SLC39A14: variants seen among roughly 807,000 people sequenced by gnomAD.
The protein encoded by SLC39A14 is metal cation symporter ZIP14.
A neutral mutation model predicts 45.5 loss-of-function variants in SLC39A14; 19 were observed. The observed-to-expected ratio is 0.42, with a 90% CI of 0.29 to 0.61. The LOEUF (loss-of-function observed/expected upper bound fraction) is 0.61, where lower values mean the gene tolerates loss of function less well. SLC39A14 is among the 20% of genes least tolerant of loss of function. The probability of loss-of-function intolerance (pLI) is 0.22; values close to 1 mark genes in which losing one functional copy is unlikely to be tolerated. For missense variants in SLC39A14, 447 were observed against 616.5 expected (o/e 0.73, Z 2.91); for synonymous variants, 264 against 251.3 (o/e 1.05, Z -0.48).
At chr8:22,384,206 T>A (rs1394204393) in intron 1 of SLC39A14, among the ~76,000 whole-genome samples, 1 of 152,142 alleles carries the variant, frequency 6.6e-6, no homozygotes, top group East Asian at 1.9e-4. Flanking sequence ...TTTCAGGATG[T>A]GTGTGATGGC....
chr8:22,390,807 A>G (rs1450712050), intron 1 of SLC39A14, among the ~76,000 whole-genome samples: 1 of 151,958 alleles, frequency 6.6e-6, no homozygotes, highest in Non-Finnish European at 1.5e-5. Flanking sequence ...GGTTCAAGCA[A>G]TCCTCCCACC....
At chr8:22,369,153 T>TA (rs34546163) in intron 1 of SLC39A14, among the ~76,000 whole-genome samples, 4 of 152,152 alleles carry the variant, frequency 2.6e-5, no homozygotes, top group Non-Finnish European at 4.4e-5. Context: ...CAGGTAAGAC[T>TA]AGAGGGCACC....
intron 2 of SLC39A14, among the ~76,000 whole-genome samples, chr8:22,406,857 G>C (rs1178954728): frequency 6.6e-6 from 1 of 152,198 alleles, no homozygotes; most frequent in Non-Finnish European, 1.5e-5. Context: ...ATCTCGGGGT[G>C]GCGGGAGTCC....
chr8:22,385,605 T>C (rs1833750059), intron 1 of SLC39A14, among the ~76,000 whole-genome samples: 1 of 152,204 alleles, frequency 6.6e-6, no homozygotes, highest in Non-Finnish European at 1.5e-5. Flanking sequence ...CCTGGGTGGC[T>C]GGAGCCCAGT....
chr8:22,403,725 C>G (rs189395662), intron 1 of SLC39A14, among the ~76,000 whole-genome samples: 1 of 151,184 alleles, frequency 6.6e-6, no homozygotes, highest in Non-Finnish European at 1.5e-5. Flanking sequence ...TTGAGACGAG[C>G]GGGCAAATAT....
In SLC39A14 at chr8:22,421,093, T is replaced by G. The variant is rs1465658483; in HGVS notation, c.*1395T>G. 1.0e-6 allele frequency: 1 copy of G among 985,742 alleles called. No homozygotes were observed. Among genetic ancestry groups the G allele is most frequent in the East Asian group, 1.1e-4 (1 of 8,828 alleles). The allele number at this position is 985,742 out of a possible 1,614,324, so 61.1% of individuals were successfully genotyped here. On this transcript the variant is annotated 3_prime_UTR_variant, in exon 9 of 9. Transcript: ENST00000381237. ...AATTGATTTATTATTATCATATTGATAATGTGAGATTCTTTAGCCACTTTG... is the reference window on the plus strand; with the variant it reads ...AATTGATTTATTATTATCATATTGAGAATGTGAGATTCTTTAGCCACTTTG...
intron 3 of SLC39A14, among the ~76,000 whole-genome samples, chr8:22,408,872 G>T (rs1348222508): frequency 6.7e-6 from 1 of 150,192 alleles, no homozygotes; most frequent in African/African-American, 2.5e-5. Context: ...CGAGGCTGGA[G>T]TCCAGTGGTG....
chr8:22,371,411 T>C (rs1267783816), intron 1 of SLC39A14, among the ~76,000 whole-genome samples: 1 of 53,860 alleles, frequency 1.9e-5, no homozygotes, highest in Admixed American at 1.9e-4. Flanking sequence ...AAAAAATACA[T>C]GTCTTTTTTT....
At chr8:22,391,778 C>A (rs1834090255) in intron 1 of SLC39A14, among the ~76,000 whole-genome samples, 2 of 152,162 alleles carry the variant, frequency 1.3e-5, no homozygotes, top group Admixed American at 1.3e-4. Context: ...CCACTTTGGC[C>A]AGGGTGGTCT....
chr8:22,375,816 T>C (rs889476101), intron 1 of SLC39A14, among the ~76,000 whole-genome samples: 2 of 152,152 alleles, frequency 1.3e-5, no homozygotes, highest in African/African-American at 4.8e-5. Context: ...GCTTAACCAT[T>C]TCCTTTTATT....
Position 22,376,462 on chromosome 8 carries a change from C to T in SLC39A14, c.-16+9054C>T, listed in dbSNP as rs564668439. Among the ~76,000 whole-genome samples the T allele has an allele frequency of 1.9e-4, 29 of 150,500 alleles. No homozygotes were observed. In the East Asian group the frequency reaches 5.6e-3, roughly 29 times the overall value. On this transcript the variant is annotated intron_variant, in intron 1 of 8. Transcript: ENST00000381237. Reference sequence around the variant, plus strand: ...CCTCCCAAAGTGTTGGGATTATAGGCGTGAGCCACTGCACTCGGCCATGTT... The same window carrying T: ...CCTCCCAAAGTGTTGGGATTATAGGTGTGAGCCACTGCACTCGGCCATGTT...
At chr8:22,374,255 G>C (rs930955253) in intron 1 of SLC39A14, among the ~76,000 whole-genome samples, 1 of 152,144 alleles carries the variant, frequency 6.6e-6, no homozygotes, top group African/African-American at 2.4e-5. Context: ...GAGACCTGGG[G>C]TCCTTGAGCA....
At chr8:22,409,595 C>G (rs998763558) in intron 3 of SLC39A14, among the ~76,000 whole-genome samples, 6 of 151,488 alleles carry the variant, frequency 4.0e-5, no homozygotes, top group African/African-American at 1.5e-4. Flanking sequence ...TTAGTCAGGC[C>G]GGTCTCGAAC....
chr8:22,408,215 C>A, intron 2 of SLC39A14, 95 bp from the exon 3 acceptor site: 1 of 1,139,642 alleles, frequency 8.8e-7, no homozygotes, highest in Non-Finnish European at 1.3e-6. Context: ...TCTGTCTTCT[C>A]TTTTTCCTCT....
intron 1 of SLC39A14, among the ~76,000 whole-genome samples, chr8:22,372,593 CAA>C (rs1459719964): frequency 6.6e-6 from 1 of 152,140 alleles, no homozygotes; most frequent in Non-Finnish European, 1.5e-5. Flanking sequence ...GAAGCGAAGA[CAA>C]GAGATATTTG....
intron 8 of SLC39A14, among the ~76,000 whole-genome samples, chr8:22,429,132 C>T (rs1192949545): frequency 5.3e-5 from 8 of 152,052 alleles, no homozygotes; most frequent in East Asian, 1.9e-4. Context: ...ATTGGCTGGG[C>T]GTGGTGGCGG....
chr8:22,420,001 C>G lies in SLC39A14; in HGVS notation c.*303C>G, dbSNP rs1219011051. The G allele has an allele frequency of 4.6e-6, 5 of 1,087,764 alleles. No homozygotes were observed. The highest frequency in any genetic ancestry group is 5.6e-6 in the Non-Finnish European group (5 of 895,074). 67.4% of individuals were successfully genotyped at this position (1,087,764 alleles called of 1,614,324 possible). A position where few individuals can be genotyped will look rare whatever the true frequency, so the allele number is the denominator to read the frequency against. On this transcript the variant is annotated 3_prime_UTR_variant, in exon 9 of 9. Coordinates refer to ENST00000381237, the MANE Select transcript of SLC39A14 (RefSeq NM_001128431.4). ...TGACTTTTTTCTCTGATTACCTTGG[C>G]CTCCTCTTGGAACCAGTGCTGAAAG...
intron 1 of SLC39A14, among the ~76,000 whole-genome samples, chr8:22,379,813 C>T (rs979537168): frequency 6.6e-6 from 1 of 151,176 alleles, no homozygotes; most frequent in Non-Finnish European, 1.5e-5. Context: ...CCTGTAATCC[C>T]AGCTACTCAG....
intron 1 of SLC39A14, among the ~76,000 whole-genome samples, chr8:22,385,006 C>T (rs35198649): frequency 0.23 from 33,279 of 147,788 alleles, 4,638 homozygotes; most frequent in East Asian, 0.51. Flanking sequence ...GCTGAGATCG[C>T]GCCACTGCAC....
Sources: allele counts gnomAD v4.1 joint callset (sites outside exome capture counted in the v4.1 genomes callset), GRCh38; gene constraint gnomAD v4.1.1; transcripts MANE v1.5; gene names NCBI Gene and HGNC (gene_info 2026-07-23, HGNC 2026-07-21).